Variants in KANSL1 observed in about 807,000 individuals in gnomAD.
KANSL1 encodes the protein KAT8 regulatory NSL complex subunit 1.
KANSL1 carries 22 observed loss-of-function variants against 103.6 expected under a neutral mutation model. That is an observed-to-expected ratio of 0.21 (90% CI 0.15 to 0.30). KANSL1 has a LOEUF of 0.30. Among genes scored for constraint, KANSL1 ranks in the 10% least tolerant of loss-of-function variants. The pLI is 1.00. For missense variants in KANSL1, 1,337 were observed against 1,399.8 expected, an observed-to-expected ratio of 0.96 and a Z score of 0.72; for synonymous variants, 600 against 527.6, an observed-to-expected ratio of 1.14 and a Z score of -1.88.
At chr17:46,078,559 TACAA>T (rs67212864) in intron 4 of KANSL1, among the ~76,000 whole-genome samples, 21,746 of 152,186 alleles carry the variant, frequency 0.14, 2,101 homozygotes, top group Non-Finnish European at 0.22. Flanking sequence ...TCTGATAATA[TACAA>T]ACAAGCCCAT....
At chr17:46,213,801 C>T (rs1290033060) in intron 1 of KANSL1, among the ~76,000 whole-genome samples, 1 of 151,838 alleles carries the variant, frequency 6.6e-6, no homozygotes, top group Non-Finnish European at 1.5e-5. Context: ...GCCTGTAGTC[C>T]GAGATACTCA....
chr17:46,038,538 C>T lies in KANSL1; in HGVS notation c.2541G>A (p.Ser847=), dbSNP rs200079722. Residue 847 remains serine, a splice_region_variant and synonymous_variant, in exon 10 of 15, where the codon TCG becomes TCA. Coordinates refer to ENST00000432791, the MANE Select transcript of KANSL1 (RefSeq NM_015443.4). ...CGGCCAACCCCACACAGGTACTTAC[C>T]GATGTGCTGGCTGTAACCTGTGAGC... ...SSSSQVTAST[S]QQPVRRRRGE... The T allele has an allele frequency of 1.2e-5, 20 of 1,613,728 alleles. No homozygotes were observed. Among genetic ancestry groups the T allele is most frequent in the East Asian group, 2.2e-5 (1 of 44,886 alleles).
intron 14 of KANSL1, 152 bp from the exon 15 acceptor site, chr17:46,031,855 C>T (rs2077017973): frequency 9.6e-7 from 1 of 1,038,170 alleles, no homozygotes; most frequent in East Asian, 2.6e-5. Context: ...TAGGGTATAC[C>T]CAGACAACTG....
At chr17:46,180,647 C>T (rs1051801403) in intron 1 of KANSL1, among the ~76,000 whole-genome samples, 1 of 152,144 alleles carries the variant, frequency 6.6e-6, no homozygotes, top group African/African-American at 2.4e-5. Context: ...GATTGAGCCA[C>T]TGCATTTCAG....
intron 2 of KANSL1, among the ~76,000 whole-genome samples, chr17:46,164,802 C>A (rs534501255): frequency 2.0e-5 from 3 of 152,214 alleles, no homozygotes; most frequent in African/African-American, 7.2e-5. Context: ...CTAAAGGTCA[C>A]GTAGGGTCAG....
chr17:46,058,739 ACACACTCTCTCT>A (rs1377593518), intron 6 of KANSL1, among the ~76,000 whole-genome samples: 203 of 30,064 alleles, frequency 6.8e-3, no homozygotes, highest in African/African-American at 0.015. Context: ...ACACACACAC[ACACACTCTCTCT>A]CTCTCTCTCT....
intron 3 of KANSL1, among the ~76,000 whole-genome samples, chr17:46,085,896 G>A (rs1014000198): frequency 5.9e-5 from 9 of 152,110 alleles, no homozygotes; most frequent in African/African-American, 2.2e-4. Flanking sequence ...TCAAAGTGCT[G>A]GGATTACATG....
At chr17:46,182,323 A>G (rs1226466351) in intron 1 of KANSL1, among the ~76,000 whole-genome samples, 2 of 152,258 alleles carry the variant, frequency 1.3e-5, no homozygotes, top group East Asian at 3.8e-4. Context: ...CAGGTGGTAT[A>G]TGTACAGCTT....
intron 2 of KANSL1, among the ~76,000 whole-genome samples, chr17:46,165,881 T>C (rs1347967466): frequency 3.9e-5 from 6 of 152,204 alleles, no homozygotes; most frequent in African/African-American, 9.7e-5. Context: ...TAATTCATTT[T>C]ACCATGAGGT....
In KANSL1 at chr17:46,067,021, C is replaced by A. The variant is rs17575850; in HGVS notation, c.1653-289G>T. Among the ~76,000 whole-genome samples, 21,801 of 152,252 alleles carry A rather than the reference C, an allele frequency of 0.14. 2,130 individuals carry two copies. The highest frequency in any genetic ancestry group is 0.22 in the Non-Finnish European group (14,744 of 67,984). On this transcript the variant is annotated intron_variant, in intron 5 of 14. Transcript: ENST00000432791. ...CTAGTGATTGAGTTCTCCTCTACAT[C>A]AAACACACGAGTAAATAAAGTCTAG...
Position 46,172,206 on chromosome 17 carries a change from C to T in KANSL1, c.-63G>A. The T allele has an allele frequency of 7.0e-7, 1 of 1,438,848 alleles. No homozygotes were observed. The highest frequency in any genetic ancestry group is 1.2e-5 in the South Asian group (1 of 83,370). The allele number at this position is 1,438,848 out of a possible 1,614,324, so 89.1% of individuals were successfully genotyped here. A position where few individuals can be genotyped will look rare whatever the true frequency, so the allele number is the denominator to read the frequency against. On this transcript the variant is annotated 5_prime_UTR_variant, in exon 2 of 15. Coordinates refer to ENST00000432791, the MANE Select transcript of KANSL1 (RefSeq NM_015443.4). The stretch of plus-strand genomic sequence containing the variant: ...GCCGAGGCCGAGGCCAGCTCCACGG[C>T]CCCTTACTGCCTCCCCAGAGAACAG...
intron 2 of KANSL1, among the ~76,000 whole-genome samples, chr17:46,164,602 A>G (rs899540404): frequency 6.6e-6 from 1 of 152,262 alleles, no homozygotes; most frequent in Non-Finnish European, 1.5e-5. Flanking sequence ...TCAACCAAAG[A>G]AATGAATGAA....
At chr17:46,057,538 A>G (rs2077976658) in intron 6 of KANSL1, among the ~76,000 whole-genome samples, 1 of 152,146 alleles carries the variant, frequency 6.6e-6, no homozygotes, top group South Asian at 2.1e-4. Flanking sequence ...GGCAATGATC[A>G]CCAGTGGTTG....
chr17:46,187,897 G>A (rs1159798236), intron 1 of KANSL1, among the ~76,000 whole-genome samples: 1 of 152,104 alleles, frequency 6.6e-6, no homozygotes, highest in Non-Finnish European at 1.5e-5. Flanking sequence ...TTCTACTTTG[G>A]TCAAGTCAGT....
chr17:46,107,571 A>G (rs1418763159), intron 2 of KANSL1, among the ~76,000 whole-genome samples: 1 of 152,140 alleles, frequency 6.6e-6, no homozygotes, highest in Non-Finnish European at 1.5e-5. Flanking sequence ...AAATCACTAA[A>G]TCTTCTTTCC....
At chr17:46,152,732 G>A (rs1444654133) in intron 2 of KANSL1, among the ~76,000 whole-genome samples, 1 of 152,200 alleles carries the variant, frequency 6.6e-6, no homozygotes, top group Non-Finnish European at 1.5e-5. Flanking sequence ...GATACCAACC[G>A]AGGGTTTCAT....
intron 2 of KANSL1, among the ~76,000 whole-genome samples, chr17:46,125,599 G>A (rs1056995870): frequency 1.1e-4 from 16 of 152,120 alleles, no homozygotes; most frequent in Admixed American, 6.5e-4. Context: ...ATCTCCAGCC[G>A]TACCAAATCA....
chr17:46,170,962 A>G lies in KANSL1; in HGVS notation c.1182T>C (p.Ser394=). 6.2e-7 allele frequency: 1 copy of G among 1,614,204 alleles called. No individual in the cohort carries two copies. Among genetic ancestry groups the G allele is most frequent in the South Asian group, 1.1e-5 (1 of 91,090 alleles). ...TGACATCTGAATCAAATGCCTGTTC[A>G]CTGCACCTCAAGTTGGCTATGCCAC... ...TASGIANLRC[S]EQAFDSDVTD... is the part of the protein sequence containing the mutation. The change falls in exon 2 of 15, where the codon AGT becomes AGC. Residue 394 remains serine (S), a synonymous_variant. Transcript: ENST00000432791.
Position 46,032,131 on chromosome 17 carries a change from G to A in KANSL1, c.3006C>T (p.Leu1002=), listed in dbSNP as rs2077027429. 2 of 1,614,116 alleles carry A rather than the reference G, an allele frequency of 1.2e-6. No individual in the cohort carries two copies. The highest frequency in any genetic ancestry group is 1.7e-6 in the Non-Finnish European group (2 of 1,180,000). The change falls in exon 14 of 15, where the codon CTC becomes CTT. Residue 1002 remains leucine, a synonymous_variant. Transcript: ENST00000432791. ...GCGGAGTGTCCCGAGCCACAGGGGT[G>A]AGGGGTGCTGAGTGCAGTTCCGGGC... ...PISPELHSAP[L]TPVARDTPRH...
Sources: allele counts gnomAD v4.1 joint callset (sites outside exome capture counted in the v4.1 genomes callset), GRCh38; gene constraint gnomAD v4.1.1; transcripts MANE v1.5; gene names NCBI Gene and HGNC (gene_info 2026-07-23, HGNC 2026-07-21).